HEPH: variants seen among roughly 807,000 people sequenced by gnomAD.
HEPH encodes the protein hephaestin.
HEPH carries 69 observed loss-of-function variants against 80.8 expected under a neutral mutation model. The observed-to-expected ratio is 0.85, with a 90% confidence interval of 0.70 to 1.04. The LOEUF (loss-of-function observed/expected upper bound fraction) is 1.04. Among genes scored for constraint, HEPH ranks in the 50% least tolerant of loss-of-function variants. The pLI is 0.00. For missense variants in HEPH, 1,115 were observed against 891.3 expected (o/e 1.25, Z -3.20); for synonymous variants, 431 against 322.8 (o/e 1.34, Z -3.60).
intron 15 of HEPH, among the ~76,000 whole-genome samples, chrX:66,217,927 T>TA (rs1327251248): frequency 1.8e-5 from 2 of 111,171 alleles, no homozygotes; most frequent in Non-Finnish European, 3.8e-5. Context: ...CAACAGCAGT[T>TA]AAAAAAGGCA....
At chrX:66,241,797 T>C (rs1234607434) in intron 15 of HEPH, among the ~76,000 whole-genome samples, 1 of 111,136 alleles carries the variant, frequency 9.0e-6, no homozygotes, top group Non-Finnish European at 1.9e-5. Context: ...TACTTAGGAA[T>C]AGAGCAATTC....
At chrX:66,223,574 G>A (rs1205058432) in intron 15 of HEPH, among the ~76,000 whole-genome samples, 1 of 111,570 alleles carries the variant, frequency 9.0e-6, no homozygotes, top group Non-Finnish European at 1.9e-5. Context: ...CTTTGTTAAA[G>A]AGCAGGTTAG....
intron 15 of HEPH, among the ~76,000 whole-genome samples, chrX:66,234,429 C>A (rs1184900385): frequency 9.0e-6 from 1 of 111,304 alleles, no homozygotes; most frequent in Non-Finnish European, 1.9e-5. Context: ...TGAGTATATA[C>A]CCAGTAATGG....
chrX:66,189,768 G>A lies in HEPH; in HGVS notation c.893G>A (p.Gly298Asp). ...GTGGCCTGGCACTTGTTTGGCATGG[G>A]CAATGAAATTGATGTCCACACAGCA... is the stretch of plus-strand genomic sequence containing the variant. ...KRVAWHLFGM[G>D]NEIDVHTAFF... The change falls in exon 6 of 21, where the codon GGC (glycine) becomes GAC (aspartate). Residue 298 changes from glycine (G) to aspartate (D), a missense_variant. Physicochemically the swap from Gly to Asp is moderately conservative, Grantham distance 94. Transcript: ENST00000343002. 4 of 1,211,071 alleles carry A rather than the reference G, an allele frequency of 3.3e-6. No homozygotes were observed. Among genetic ancestry groups the A allele is most frequent in the Non-Finnish European group, 4.5e-6 (4 of 895,235 alleles).
Position 66,208,236 on chromosome X carries a change from T to G in HEPH, c.2553T>G (p.Ala851=), listed in dbSNP as rs762126051. 44 of 1,205,826 alleles carry G rather than the reference T, an allele frequency of 3.6e-5. No individual in the cohort carries two copies. The highest frequency in any genetic ancestry group is 4.9e-5 in the Non-Finnish European group (44 of 893,196). The change falls in exon 15 of 21, where the codon GCT becomes GCG. Residue 851 remains alanine (A), a synonymous_variant. Coordinates refer to ENST00000343002, the MANE Select transcript of HEPH (RefSeq NM_001367233.3). ...AATCTACTACTGTCTGGCCACTGGC[T>G]GCTGAGCCTGGTGAGTGGGGACACT... ...VLESTTVWPL[A]AEPGEVVTYQ...
In HEPH at chrX:66,194,349, G is replaced by T. The variant is rs766428205; in HGVS notation, c.1369+711G>T. 2.7e-5 allele frequency among the ~76,000 whole-genome samples: 3 copies of T among 111,715 alleles called. No individual in the cohort carries two copies. In the East Asian group the frequency reaches 8.5e-4, roughly 32 times the overall value. On this transcript the variant is annotated intron_variant, in intron 8 of 20. Transcript: ENST00000343002. The stretch of plus-strand genomic sequence containing the variant: ...AGGAGAGATGGTGGTGAGCCTGAAG[G>T]AATTATCATTGGCTGGACTTCAGTA...
At chrX:66,235,366 T>G (rs976759076) in intron 15 of HEPH, among the ~76,000 whole-genome samples, 6 of 112,227 alleles carry the variant, frequency 5.3e-5, no homozygotes, top group Admixed American at 9.5e-5. Context: ...ATTGAGTTGA[T>G]TTTTGAATAA....
At chrX:66,207,052 GA>G (rs984551704) in intron 13 of HEPH, 142 bp from the exon 14 acceptor site, 42 of 321,195 alleles carry the variant, frequency 1.3e-4, no homozygotes, top group East Asian at 4.0e-4. Context: ...TTAAAAAAAA[GA>G]AAAAAAAAGA....
chrX:66,164,472 T>C lies in HEPH; in HGVS notation c.-14+2T>C. ...ATGGAGTAGTTTTCTCTAGCAAAGGTAAGCTTTCTTTTCTCTCTTTTCAAA... is the reference window on the plus strand; with the variant it reads ...ATGGAGTAGTTTTCTCTAGCAAAGGCAAGCTTTCTTTTCTCTCTTTTCAAA... On this transcript the variant is annotated splice_donor_variant, in intron 1 of 20. Transcript: ENST00000343002. LOFTEE classifies it low-confidence loss of function (5UTR_SPLICE). 1 of 753,300 alleles carries C rather than the reference T, an allele frequency of 1.3e-6. No individual in the cohort carries two copies. Among genetic ancestry groups the C allele is most frequent in the Non-Finnish European group, 1.6e-6 (1 of 638,589 alleles). 62.1% of individuals were successfully genotyped at this position (753,300 alleles called of 1,213,427 possible).
At chrX:66,201,528 A>C (rs1267257634) in intron 12 of HEPH, among the ~76,000 whole-genome samples, 5 of 111,453 alleles carry the variant, frequency 4.5e-5, no homozygotes, top group Admixed American at 1.9e-4. Flanking sequence ...TTCATAATAG[A>C]GCAGTTATCT....
In HEPH at chrX:66,232,173, C is replaced by A. The variant is rs867167085; in HGVS notation, c.2564-22862C>A. ...AGCTTTTTGATGTGCTGCTGGATTCCGTTTGCCAGTATTTTACTGAGGATT... is the reference window on the plus strand; with the variant it reads ...AGCTTTTTGATGTGCTGCTGGATTCAGTTTGCCAGTATTTTACTGAGGATT... On this transcript the variant is annotated intron_variant, in intron 15 of 20. Coordinates refer to ENST00000343002, the MANE Select transcript of HEPH (RefSeq NM_001367233.3). Among the ~76,000 whole-genome samples the A allele has an allele frequency of 3.6e-5, 4 of 110,501 alleles. No homozygotes were observed. In the East Asian group the frequency reaches 8.5e-4, roughly 23 times the overall value.
intron 9 of HEPH, among the ~76,000 whole-genome samples, chrX:66,195,767 T>G (rs2088057262): frequency 8.9e-6 from 1 of 111,952 alleles, no homozygotes; most frequent in African/African-American, 3.2e-5. Context: ...TTTTCAGTAT[T>G]TTTGAATATT....
rs1468153622 is a variant in HEPH, at chrX:66,266,605, G to A, written c.3410G>A (p.Arg1137Lys). The A allele has an allele frequency of 1.7e-6, 2 of 1,208,003 alleles. No individual in the cohort carries two copies. Among genetic ancestry groups the A allele is most frequent in the Non-Finnish European group, 2.2e-6 (2 of 894,480 alleles). Residue 1137 changes from arginine (R) to lysine (K), a missense_variant, in exon 21 of 21, where the codon AGA (arginine) becomes AAA (lysine). Transcript: ENST00000343002. ...GTGGTTTGGTACCAACATCGACAGA[G>A]AAAGCTACGACGCAATAGGAGGTCC... Reference protein sequence around the residue: ...GGVVWYQHRQRKLRRNRRSIL... With the variant: ...GGVVWYQHRQKKLRRNRRSIL...
At chrX:66,266,262 A>C (rs1354835152) in intron 20 of HEPH, among the ~76,000 whole-genome samples, 178 bp from the exon 21 acceptor site, 1 of 110,894 alleles carries the variant, frequency 9.0e-6, no homozygotes, top group Non-Finnish European at 1.9e-5. Flanking sequence ...CTGTTACATC[A>C]TGTTTTCTTG....
chrX:66,255,825 C>CA lies in HEPH; in HGVS notation c.2671-273dup, dbSNP rs760936157. 9.3e-4 allele frequency among the ~76,000 whole-genome samples: 103 copies of CA among 110,584 alleles called. 2 individuals are homozygous for CA. Among genetic ancestry groups the CA allele is most frequent in the African/African-American group, 2.9e-3 (88 of 30,438 alleles). On this transcript the variant is annotated intron_variant, in intron 16 of 20. Transcript: ENST00000343002. The stretch of plus-strand genomic sequence containing the variant: ...GGCATTGCAGGCAGAGGAAACAGCA[C>CA]AAAAAAACACTAGGTTGTAAAAATG...
intron 15 of HEPH, among the ~76,000 whole-genome samples, chrX:66,231,311 A>G: frequency 9.3e-6 from 1 of 107,244 alleles, no homozygotes; most frequent in Admixed American, 1.0e-4. Flanking sequence ...CAATTCTGTG[A>G]AGAAAGTCAT....
In HEPH at chrX:66,208,631, CATATATATATATATAT is replaced by C. The variant is rs56924616; in HGVS notation, c.2563+416_2563+431del. On this transcript the variant is annotated intron_variant, in intron 15 of 20. Coordinates refer to ENST00000343002, the MANE Select transcript of HEPH (RefSeq NM_001367233.3). ...AGACTCCATCTCAAATATATACATA[CATATATATATATATAT>C]ATATATATATATATATATATATATA... 2.2e-3 allele frequency among the ~76,000 whole-genome samples: 76 copies of C among 35,112 alleles called. 1 individual carries two copies. Among genetic ancestry groups the C allele is most frequent in the Admixed American group, 9.1e-3 (16 of 1,754 alleles). The allele number at this position is 35,112 out of a possible 115,157, so 30.5% of individuals were successfully genotyped here. A position where few individuals can be genotyped will look rare whatever the true frequency, so the allele number is the denominator to read the frequency against.
intron 15 of HEPH, among the ~76,000 whole-genome samples, chrX:66,250,731 G>T (rs996412084): frequency 8.9e-6 from 1 of 111,974 alleles, no homozygotes. Flanking sequence ...CATCTAAGTT[G>T]TTGTATGTGT....
At chrX:66,204,674 C>A (rs1195334418) in intron 13 of HEPH, among the ~76,000 whole-genome samples, 1 of 111,619 alleles carries the variant, frequency 9.0e-6, no homozygotes, top group Non-Finnish European at 1.9e-5. Flanking sequence ...ACTTTGAAAA[C>A]ACTAATTTAA....
Sources: gnomAD v4.1 joint callset for allele counts (sites outside exome capture counted in the v4.1 genomes callset) on GRCh38, gnomAD v4.1.1 for gene constraint, MANE v1.5 for transcripts, NCBI Gene and HGNC (gene_info 2026-07-23, HGNC 2026-07-21) for gene names.